THSD7A: variants seen among roughly 807,000 people sequenced by gnomAD.
The protein encoded by THSD7A is thrombospondin type-1 domain-containing protein 7A.
A neutral mutation model predicts 231.3 loss-of-function variants in THSD7A; 96 were observed. The observed-to-expected ratio is 0.41, with a 90% CI of 0.35 to 0.49. The LOEUF (loss-of-function observed/expected upper bound fraction) is 0.49. Among genes scored for constraint, THSD7A ranks in the 20% least tolerant of loss-of-function variants. The probability of loss-of-function intolerance (pLI) is 0.05; values close to 1 mark genes in which losing one functional copy is unlikely to be tolerated. For missense variants in THSD7A, 2,290 were observed against 2,070.2 expected (o/e 1.11, Z -2.06); for synonymous variants, 940 against 743.3 (o/e 1.26, Z -4.30).
intron 6 of THSD7A, among the ~76,000 whole-genome samples, chr7:11,518,099 AC>A (rs1367988314): frequency 6.6e-6 from 1 of 151,798 alleles, no homozygotes; most frequent in African/African-American, 2.4e-5. Context: ...AGCTGAGACA[AC>A]CCCCTGCTTA....
Position 11,407,119 on chromosome 7 carries a change from T to C in THSD7A, c.3917-64A>G, listed in dbSNP as rs553768333. On this transcript the variant is annotated intron_variant, in intron 20 of 27. Transcript: ENST00000423059. ...TATGGTTTTGCAAGCATATATCTCATTGGGAGAAGGCATCACAGTGATATC... is the reference window on the plus strand; with the variant it reads ...TATGGTTTTGCAAGCATATATCTCACTGGGAGAAGGCATCACAGTGATATC... 143 of 1,578,322 alleles carry C rather than the reference T, an allele frequency of 9.1e-5. 1 individual carries two copies. The South Asian group carries it at 1.3e-3, about 14-fold the overall frequency.
At chr7:11,731,418 A>G (rs1781727567) in intron 1 of THSD7A, among the ~76,000 whole-genome samples, 1 of 151,606 alleles carries the variant, frequency 6.6e-6, no homozygotes, top group Non-Finnish European at 1.5e-5. Context: ...AAGTAAATAT[A>G]ATAGATATGC....
chr7:11,633,520 C>G (rs1311705773), intron 2 of THSD7A, among the ~76,000 whole-genome samples: 2 of 152,080 alleles, frequency 1.3e-5, no homozygotes. Flanking sequence ...TTGGCTTGTC[C>G]CCTCAGAAAG....
rs187332200 is a variant in THSD7A, at chr7:11,756,382, G to A, written c.190+75375C>T. 1.7e-3 allele frequency among the ~76,000 whole-genome samples: 256 copies of A among 152,168 alleles called. 1 individual carries two copies. Among genetic ancestry groups the A allele is most frequent in the African/African-American group, 6.0e-3 (249 of 41,526 alleles). On this transcript the variant is annotated intron_variant, in intron 1 of 27. Transcript: ENST00000423059. ...AGTCCAAGTCTAAGGTGGTGAGAGT[G>A]GAGAAGAGGAGGAGAGAAAGAATGT...
Position 11,636,225 on chromosome 7 carries a change from C to G in THSD7A, c.927G>C (p.Gln309His). 1.2e-6 allele frequency: 2 copies of G among 1,614,020 alleles called. No homozygotes were observed. Among genetic ancestry groups the G allele is most frequent in the South Asian group, 1.1e-5 (1 of 91,076 alleles). Residue 309 changes from glutamine to histidine, a missense_variant, in exon 2 of 28, where the codon CAG becomes CAC. Transcript: ENST00000423059. This position sits in a 1 kb window ranked among gnomAD's most constrained non-coding sequence, Gnocchi z 10.0. ...CCCAATATTTGTTCTCTTGTCTGTTCTGCCTGTTTCTGTTTCTCTTTTTCT... is the reference window on the plus strand; with the variant it reads ...CCCAATATTTGTTCTCTTGTCTGTTGTGCCTGTTTCTGTTTCTCTTTTTCT... Reference protein sequence around the residue: ...LIKKKRNRNRQNRQENKYWDI... With the variant: ...LIKKKRNRNRHNRQENKYWDI...
Position 11,609,195 on chromosome 7 carries a change from T to C in THSD7A, c.1023-15693A>G, listed in dbSNP as rs185078893. The stretch of plus-strand genomic sequence containing the variant: ...TTCACCCAGTGGGAGCCCTTCCTTC[T>C]GAATTTCAGGGTTCTTTACAGCTTC... On this transcript the variant is annotated intron_variant, in intron 2 of 27. Coordinates refer to ENST00000423059, the MANE Select transcript of THSD7A (RefSeq NM_015204.3). Among the ~76,000 whole-genome samples the C allele has an allele frequency of 1.1e-4, 17 of 152,260 alleles. No individual in the cohort carries two copies. In the East Asian group the frequency reaches 2.9e-3, roughly 26 times the overall value.
At chr7:11,721,898 C>G (rs76460747) in intron 1 of THSD7A, among the ~76,000 whole-genome samples, 21,065 of 151,922 alleles carry the variant, frequency 0.14, 1,898 homozygotes, top group South Asian at 0.21. Context: ...TCCTCTTGCT[C>G]TCTATGTTCC....
chr7:11,557,073 T>A (rs1789877964), intron 4 of THSD7A, among the ~76,000 whole-genome samples: 1 of 152,014 alleles, frequency 6.6e-6, no homozygotes. Context: ...GCCCTCTTTC[T>A]CCTCTTCTTC....
chr7:11,431,754 G>A (rs182838600), intron 13 of THSD7A, among the ~76,000 whole-genome samples: 1 of 152,052 alleles, frequency 6.6e-6, no homozygotes, highest in Non-Finnish European at 1.5e-5. Context: ...GATAGGAATT[G>A]TGTCAAATTT....
At chr7:11,494,014 A>G (rs1463503381) in intron 6 of THSD7A, among the ~76,000 whole-genome samples, 2 of 152,036 alleles carry the variant, frequency 1.3e-5, no homozygotes, top group African/African-American at 4.8e-5. Flanking sequence ...AATTTTACCT[A>G]AAATCTAAAA....
At chr7:11,753,917 G>C (rs1395154613) in intron 1 of THSD7A, among the ~76,000 whole-genome samples, 1 of 151,760 alleles carries the variant, frequency 6.6e-6, no homozygotes, top group Non-Finnish European at 1.5e-5. Flanking sequence ...ACAAAACAGA[G>C]GCATAGAAAC....
chr7:11,394,233 C>T (rs1331819732), intron 23 of THSD7A, among the ~76,000 whole-genome samples: 1 of 152,008 alleles, frequency 6.6e-6, no homozygotes, highest in African/African-American at 2.4e-5. Flanking sequence ...AAAGAATTTT[C>T]AATCCACAAT....
chr7:11,538,411 A>G (rs927731551), intron 6 of THSD7A, among the ~76,000 whole-genome samples: 12 of 152,302 alleles, frequency 7.9e-5, no homozygotes, highest in Middle Eastern at 3.4e-3. Flanking sequence ...CAAGTAAGGA[A>G]TAATACTTTT....
At chr7:11,782,467 G>A (rs1381105169) in intron 1 of THSD7A, among the ~76,000 whole-genome samples, 3 of 152,064 alleles carry the variant, frequency 2.0e-5, no homozygotes, top group Admixed American at 2.0e-4. Flanking sequence ...AGTAATTCTA[G>A]TATTTACCGA....
chr7:11,375,616 A>T lies in THSD7A; in HGVS notation c.*178T>A. ...TCTCACGGTTGATGGTCTGTATATAAGTGGTACTGTCTTAAATATCTCCAG... is the reference window on the plus strand; with the variant it reads ...TCTCACGGTTGATGGTCTGTATATATGTGGTACTGTCTTAAATATCTCCAG... On this transcript the variant is annotated 3_prime_UTR_variant, in exon 28 of 28. Transcript: ENST00000423059. 1.8e-6 allele frequency: 1 copy of T among 554,802 alleles called. No homozygotes were observed. Among genetic ancestry groups the T allele is most frequent in the Non-Finnish European group, 3.2e-6 (1 of 311,550 alleles). The allele number at this position is 554,802 out of a possible 1,614,324, so 34.4% of individuals were successfully genotyped here.
intron 1 of THSD7A, among the ~76,000 whole-genome samples, chr7:11,703,581 T>C (rs1780671861): frequency 6.6e-6 from 1 of 151,260 alleles, no homozygotes; most frequent in Admixed American, 6.6e-5. Flanking sequence ...AATCTACTGC[T>C]ATACAGTAGT....
chr7:11,592,650 C>A (rs1251196625), intron 3 of THSD7A, among the ~76,000 whole-genome samples: 3 of 152,252 alleles, frequency 2.0e-5, no homozygotes, highest in African/African-American at 7.2e-5. Context: ...AAAACCCAAC[C>A]CTTTTCCCCA....
At chr7:11,462,263 G>C (rs1254257487) in intron 9 of THSD7A, 120 bp from the exon 10 acceptor site, 2 of 1,050,942 alleles carry the variant, frequency 1.9e-6, no homozygotes, top group African/African-American at 3.2e-5. Flanking sequence ...TCCCTGAGAG[G>C]CTTCACCTGG....
intron 1 of THSD7A, among the ~76,000 whole-genome samples, chr7:11,826,548 G>A (rs1785032728): frequency 6.6e-6 from 1 of 152,018 alleles, no homozygotes; most frequent in African/African-American, 2.4e-5. Flanking sequence ...AAGTGCAAAT[G>A]TCCCTGTAAT....
Sources: allele counts gnomAD v4.1 joint callset (sites outside exome capture counted in the v4.1 genomes callset), GRCh38; gene constraint gnomAD v4.1.1; non-coding constraint Gnocchi (gnomAD v3.1); transcripts MANE v1.5; gene names NCBI Gene and HGNC (gene_info 2026-07-23, HGNC 2026-07-21).